The following ASS1 variants were observed in gnomAD, a reference collection of about 807,000 sequenced individuals.
The protein encoded by ASS1 is argininosuccinate synthase.
A neutral mutation model predicts 60.5 loss-of-function variants in ASS1; 58 were observed. The observed-to-expected ratio is 0.96, with a 90% CI of 0.78 to 1.19. ASS1 has a LOEUF of 1.19. Among genes scored for constraint, ASS1 ranks in the 50% most tolerant of loss-of-function variants. ASS1 has a pLI of 0.00. For missense variants in ASS1, 454 were observed against 547.3 expected (o/e 0.83, Z 1.70); for synonymous variants, 200 against 206.9 (o/e 0.97, Z 0.29).
chr9:130,465,868 C>A (rs1023216091), intron 5 of ASS1, among the ~76,000 whole-genome samples: 3 of 152,218 alleles, frequency 2.0e-5, no homozygotes, highest in Admixed American at 1.3e-4. Context: ...ACGGGGCCCT[C>A]CCTCGGTTCC....
In ASS1 at chr9:130,470,958, G is replaced by A. The variant is rs114566666; in HGVS notation, c.566+54G>A. 8.7e-4 allele frequency: 1,376 copies of A among 1,583,226 alleles called. 3 individuals are homozygous for A. Among genetic ancestry groups the A allele is most frequent in the African/African-American group, 7.0e-3 (521 of 74,328 alleles). On this transcript the variant is annotated intron_variant, in intron 7 of 14. Transcript: ENST00000352480. This position sits in a 1 kb window ranked among gnomAD's most constrained non-coding sequence, Gnocchi z 4.3. ...TCCTCCCGGGCTCATTCCAAAGGAC[G>A]GCCACGCGCTGCCCCAGGACGTCCT...
Position 130,499,534 on chromosome 9 carries a change from C to G in ASS1, c.1157C>G (p.Thr386Ser). 1 of 1,613,892 alleles carries G rather than the reference C, an allele frequency of 6.2e-7. No individual in the cohort carries two copies. Among genetic ancestry groups the G allele is most frequent in the Non-Finnish European group, 8.5e-7 (1 of 1,179,932 alleles). ...AACGTGCAGGGTGATTATGAGCCAA[C>G]TGATGCCACCGGGTTCATCAACATC... ...SMNVQGDYEP[T>S]DATGFININS... Residue 386 changes from threonine to serine, a missense_variant, in exon 14 of 15, where the codon ACT becomes AGT. Coordinates refer to ENST00000352480, the MANE Select transcript of ASS1 (RefSeq NM_054012.4).
intron 11 of ASS1, among the ~76,000 whole-genome samples, chr9:130,486,547 T>TTAC (rs1259831103): frequency 6.6e-6 from 1 of 152,196 alleles, no homozygotes; most frequent in Non-Finnish European, 1.5e-5. Flanking sequence ...TTGAACTGTT[T>TTAC]TACAAGAGTC....
At chr9:130,473,896 C>T (rs1274540697) in intron 8 of ASS1, among the ~76,000 whole-genome samples, 1 of 152,170 alleles carries the variant, frequency 6.6e-6, no homozygotes, top group East Asian at 1.9e-4. Flanking sequence ...GATGAATAAA[C>T]CATTTGCGGC....
Position 130,463,975 on chromosome 9 carries a change from C to T in ASS1, c.364-136C>T, listed in dbSNP as rs58429097. On this transcript the variant is annotated intron_variant, in intron 4 of 14. Transcript: ENST00000352480. ...CACATGCCCACACATACACGACCTA[C>T]ACTGCATGACCTCACATGTGTACAC... The T allele has an allele frequency of 8.7e-4, 775 of 887,090 alleles. 8 individuals are homozygous for T. In the African/African-American group the frequency reaches 0.012, roughly 13 times the overall value. 55.0% of individuals were successfully genotyped at this position (887,090 alleles called of 1,614,324 possible).
Position 130,458,533 on chromosome 9 carries a change from G to A in ASS1, c.307G>A (p.Val103Met), listed in dbSNP as rs1032750114. ...CAGGCCCTGCATCGCCCGCAAACAAGTGGAAATCGCCCAGCGGGAGGGGGC... is the reference window on the plus strand; with the variant it reads ...CAGGCCCTGCATCGCCCGCAAACAAATGGAAATCGCCCAGCGGGAGGGGGC... ...LARPCIARKQ[V>M]EIAQREGAKY... The change falls in exon 4 of 15, where the codon GTG becomes ATG. Residue 103 changes from valine to methionine, a missense_variant. Physicochemically the swap from Val to Met is conservative, Grantham distance 21. Transcript: ENST00000352480. 1 of 1,613,420 alleles carries A rather than the reference G, an allele frequency of 6.2e-7. No homozygotes were observed. Among genetic ancestry groups the A allele is most frequent in the Non-Finnish European group, 8.5e-7 (1 of 1,179,888 alleles).
In ASS1 at chr9:130,489,584, G is replaced by C; in HGVS notation, c.970+120G>C. 6.6e-7 allele frequency: 1 copy of C among 1,520,610 alleles called. No individual in the cohort carries two copies. The highest frequency in any genetic ancestry group is 9.0e-7 in the Non-Finnish European group (1 of 1,105,088). The allele number at this position is 1,520,610 out of a possible 1,614,324, so 94.2% of individuals were successfully genotyped here. A position where few individuals can be genotyped will look rare whatever the true frequency, so the allele number is the denominator to read the frequency against. On this transcript the variant is annotated intron_variant, in intron 12 of 14. Coordinates refer to ENST00000352480, the MANE Select transcript of ASS1 (RefSeq NM_054012.4). This position sits in a 1 kb window ranked among gnomAD's most constrained non-coding sequence, Gnocchi z 4.1. ...GCACCTTCCTCCCCTGCCGCCCACT[G>C]CCATCCTCATGTGAGACCCCAAAAG... is the stretch of plus-strand genomic sequence containing the variant.
At chr9:130,456,500 A>T (rs1162310753) in intron 3 of ASS1, among the ~76,000 whole-genome samples, 1 of 152,042 alleles carries the variant, frequency 6.6e-6, no homozygotes, top group African/African-American at 2.4e-5. Flanking sequence ...AAACACAAAA[A>T]CACATTTATC....
chr9:130,455,440 T>TATCCATCCATTCATCC (rs1845427142), intron 3 of ASS1, among the ~76,000 whole-genome samples: 1 of 150,772 alleles, frequency 6.6e-6, no homozygotes, highest in Non-Finnish European at 1.5e-5. Context: ...ACCGTTTTTC[T>TATCCATCCATTCATCC]ATCCATCCAT....
rs1347318456 is a variant in ASS1 at position 130,489,750 on chromosome 9, C to T, written c.970+286C>T. The stretch of plus-strand genomic sequence containing the variant: ...GGCAGCTTCCACCCCCTACAGTTTG[C>T]ATGACTGCAGCAATGCCAGGCACTG... On this transcript the variant is annotated intron_variant, in intron 12 of 14. Coordinates refer to ENST00000352480, the MANE Select transcript of ASS1 (RefSeq NM_054012.4). This position sits in a 1 kb window ranked among gnomAD's most constrained non-coding sequence, Gnocchi z 4.1. Among the ~76,000 whole-genome samples the T allele has an allele frequency of 1.3e-5, 2 of 152,248 alleles. No individual in the cohort carries two copies. Among genetic ancestry groups the T allele is most frequent in the African/African-American group, 4.8e-5 (2 of 41,476 alleles).
chr9:130,495,139 G>A (rs1846552054), intron 13 of ASS1, 116 bp downstream of exon 13: 13 of 1,378,562 alleles, frequency 9.4e-6, no homozygotes, highest in Non-Finnish European at 1.2e-5. Context: ...AGCACAGAGT[G>A]ATGGTCACAG....
rs573572122 is a variant in ASS1 at position 130,495,244 on chromosome 9, G to T, written c.1127+221G>T. On this transcript the variant is annotated intron_variant, in intron 13 of 14. Transcript: ENST00000352480. ...TTACCAGAATGTAGAATTAGACAAG[G>T]TGGCAGCGGGCTGTGAGGAATGCAG... 3.9e-5 allele frequency among the ~76,000 whole-genome samples: 6 copies of T among 152,214 alleles called. No homozygotes were observed. The East Asian group carries it at 1.2e-3, about 29-fold the overall frequency.
intron 5 of ASS1, among the ~76,000 whole-genome samples, chr9:130,465,794 C>T (rs1845725535): frequency 6.6e-6 from 1 of 152,266 alleles, no homozygotes; most frequent in African/African-American, 2.4e-5. Context: ...TGACCCCAGA[C>T]ACCAGGCAGC....
chr9:130,463,336 C>T (rs1221099774), intron 4 of ASS1, among the ~76,000 whole-genome samples: 5 of 152,252 alleles, frequency 3.3e-5, no homozygotes, highest in Non-Finnish European at 4.4e-5. Flanking sequence ...TCCTCCTCCT[C>T]GGCATCAGTG....
intron 1 of ASS1, among the ~76,000 whole-genome samples, chr9:130,449,411 G>A (rs1005226181): frequency 1.3e-5 from 2 of 151,454 alleles, no homozygotes; most frequent in Non-Finnish European, 2.9e-5. Context: ...CTGAGGCGAT[G>A]CAGGTGATCC....
rs180899926 is a variant in ASS1, at chr9:130,459,884, C to A, written c.363+1295C>A. Reference sequence around the variant, plus strand: ...TGTGTCCCAGTGCAGACTGCGGGGTCCCCGTGGGGTGCAAGACAGGAAGCC... The same window carrying A: ...TGTGTCCCAGTGCAGACTGCGGGGTACCCGTGGGGTGCAAGACAGGAAGCC... On this transcript the variant is annotated intron_variant, in intron 4 of 14. Coordinates refer to ENST00000352480, the MANE Select transcript of ASS1 (RefSeq NM_054012.4). This position sits in a 1 kb window ranked among gnomAD's most constrained non-coding sequence, Gnocchi z 4.6. Among the ~76,000 whole-genome samples the A allele has an allele frequency of 4.6e-3, 704 of 152,364 alleles. 26 individuals are homozygous for A. Among genetic ancestry groups the A allele is most frequent in the Admixed American group, 0.04 (606 of 15,308 alleles).
Position 130,484,719 on chromosome 9 carries a change from GT to G in ASS1, c.838+4280del, listed in dbSNP as rs796178098. Among the ~76,000 whole-genome samples, 241 of 146,524 alleles carry G rather than the reference GT, an allele frequency of 1.6e-3. 1 individual carries two copies. Among genetic ancestry groups the G allele is most frequent in the Middle Eastern group, 7.0e-3 (2 of 286 alleles). On this transcript the variant is annotated intron_variant, in intron 11 of 14. Coordinates refer to ENST00000352480, the MANE Select transcript of ASS1 (RefSeq NM_054012.4). Reference sequence around the variant, plus strand: ...CTTTTAGCATCAGGTTTCTGTCACTGTTTTTTTTTTCCAGAAGAAACACACA... The same window carrying G: ...CTTTTAGCATCAGGTTTCTGTCACTGTTTTTTTTTCCAGAAGAAACACACA...
Position 130,489,514 on chromosome 9 carries a change from C to T in ASS1, c.970+50C>T. 3 of 1,613,420 alleles carry T rather than the reference C, an allele frequency of 1.9e-6. No individual in the cohort carries two copies. The highest frequency in any genetic ancestry group is 2.5e-6 in the Non-Finnish European group (3 of 1,179,698). On this transcript the variant is annotated intron_variant, in intron 12 of 14. Coordinates refer to ENST00000352480, the MANE Select transcript of ASS1 (RefSeq NM_054012.4). The surrounding 1 kb of genome is among the most constrained non-coding windows in gnomAD (Gnocchi z 4.1). ...CCTCTAACCGCCTCACAAGGGATCC[C>T]AAAGTACTATCAGGCTCTCGGGCCT...
In ASS1 at chr9:130,494,662, C is replaced by T. The variant is rs751905807; in HGVS notation, c.971-205C>T. Among the ~76,000 whole-genome samples the T allele has an allele frequency of 2.0e-5, 3 of 152,194 alleles. No individual in the cohort carries two copies. The highest frequency in any genetic ancestry group is 4.4e-5 in the Non-Finnish European group (3 of 68,028). On this transcript the variant is annotated intron_variant, in intron 12 of 14. Transcript: ENST00000352480. The surrounding 1 kb of genome is among the most constrained non-coding windows in gnomAD (Gnocchi z 4.3). ...GGTGGTCACCTCCTTACCCACAGGCCCTTTGCAAGGTTAGAGGGCAGGGCT... is the reference window on the plus strand; with the variant it reads ...GGTGGTCACCTCCTTACCCACAGGCTCTTTGCAAGGTTAGAGGGCAGGGCT...
Sources: gnomAD v4.1 joint callset for allele counts (sites outside exome capture counted in the v4.1 genomes callset) on GRCh38, gnomAD v4.1.1 for gene constraint, Gnocchi (gnomAD v3.1) non-coding constraint, MANE v1.5 for transcripts, NCBI Gene and HGNC (gene_info 2026-07-23, HGNC 2026-07-21) for gene names.